Variants in CDKL3 observed in about 807,000 individuals in gnomAD.
CDKL3 encodes cyclin dependent kinase like 3, also known as cyclin-dependent kinase-like 3.
CDKL3 carries 65 observed loss-of-function variants against 69.3 expected under a neutral mutation model. The ratio of observed to expected loss-of-function variants is 0.94; its 90% CI spans 0.77 to 1.15. The LOEUF (loss-of-function observed/expected upper bound fraction) is 1.15, where lower values mean the gene tolerates loss of function less well. CDKL3 is among the 50% of genes most tolerant of loss of function. CDKL3 has a pLI of 0.00. For missense variants in CDKL3, 652 were observed against 689.2 expected (o/e 0.95, Z 0.61); for synonymous variants, 202 against 221.6 (o/e 0.91, Z 0.79).
chr5:134,329,749 G>A (rs1311085217), intron 4 of CDKL3, among the ~76,000 whole-genome samples: 2 of 152,062 alleles, frequency 1.3e-5, no homozygotes, highest in African/African-American at 2.4e-5. Flanking sequence ...GATTACAGGC[G>A]TGAGCCACCA....
At chr5:134,370,985 C>T (rs192567723), upstream of CDKL3, 1 of 163,310 alleles carries the variant, frequency 6.1e-6, no homozygotes, top group African/African-American at 2.4e-5. Context: ...CCTCTTAAAC[C>T]CGCTTCACAG....
At chr5:134,366,209 A>G in intron 2 of CDKL3, 150 bp downstream of exon 2, 2 of 591,608 alleles carry the variant, frequency 3.4e-6, no homozygotes, top group Non-Finnish European at 5.7e-6. Flanking sequence ...TTGTATCACT[A>G]TAAAATTACA....
chr5:134,294,396 G>A (rs1269256061), downstream of CDKL3, among the ~76,000 whole-genome samples: 1 of 152,114 alleles, frequency 6.6e-6, no homozygotes, highest in South Asian at 2.1e-4. Flanking sequence ...CCTATAGCTA[G>A]CATCATACTT....
At chr5:134,287,905 T>TC (rs1224443705) in intron 8 of CDKL3, among the ~76,000 whole-genome samples, 1 of 151,522 alleles carries the variant, frequency 6.6e-6, no homozygotes, top group Non-Finnish European at 1.5e-5. Context: ...CTTTTTTTTT[T>TC]TTTTTTGAAA....
intron 8 of CDKL3, among the ~76,000 whole-genome samples, chr5:134,287,226 T>A (rs1764909935): frequency 6.6e-6 from 1 of 152,200 alleles, no homozygotes; most frequent in African/African-American, 2.4e-5. Flanking sequence ...ATAAGGATTT[T>A]TTAAAAGTCA....
chr5:134,309,822 TAATTC>T (rs984136527), intron 7 of CDKL3, among the ~76,000 whole-genome samples: 5 of 152,174 alleles, frequency 3.3e-5, no homozygotes, highest in African/African-American at 1.2e-4. Context: ...AGCAACCTCT[TAATTC>T]AATAACTGGC....
intron 3 of CDKL3, among the ~76,000 whole-genome samples, chr5:134,359,589 A>G (rs954126937): frequency 7.9e-5 from 12 of 152,058 alleles, no homozygotes; most frequent in African/African-American, 2.4e-4. Context: ...CTGACTTTCA[A>G]TGTTTTAATA....
downstream of CDKL3, among the ~76,000 whole-genome samples, chr5:134,293,893 A>G (rs1211734999): frequency 6.6e-6 from 1 of 152,166 alleles, no homozygotes; most frequent in Non-Finnish European, 1.5e-5. Context: ...GGACAGCTTG[A>G]GGCCAGGAGT....
chr5:134,350,281 G>A lies in CDKL3; in HGVS notation c.507C>T (p.Pro169=), dbSNP rs759222409. 17 of 1,586,892 alleles carry A rather than the reference G, an allele frequency of 1.1e-5. 1 individual carries two copies. Among genetic ancestry groups the A allele is most frequent in the South Asian group, 4.6e-5 (4 of 86,294 alleles). The change falls in exon 4 of 13, where the codon CCC becomes CCT. Residue 169 remains proline, a synonymous_variant. Coordinates refer to ENST00000265334, the MANE Select transcript of CDKL3 (RefSeq NM_001113575.2). ...DYVATRWYRA[P]ELVLKDTSYG... is the part of the protein sequence containing the mutation. ...AAGAAGTATCTTTTAATACTAATTC[G>A]GGAGCTCTATACCAGCGTGTGGCCA...
At chr5:134,301,200 A>G (rs1259940680) in intron 12 of CDKL3, among the ~76,000 whole-genome samples, 3 of 152,014 alleles carry the variant, frequency 2.0e-5, no homozygotes, top group African/African-American at 7.2e-5. Flanking sequence ...GTTTCACCAC[A>G]TTGGCCAGGC....
In CDKL3 at chr5:134,337,459, G is replaced by A. The variant is rs540086932; in HGVS notation, c.539+12790C>T. On this transcript the variant is annotated intron_variant, in intron 4 of 12. Coordinates refer to ENST00000265334, the MANE Select transcript of CDKL3 (RefSeq NM_001113575.2). ...TTAGTCTTGCTGGGAGCTGTAGACC[G>A]GAGATATTCCTATTGGGCCATCTTG... Among the ~76,000 whole-genome samples, 155 of 152,294 alleles carry A rather than the reference G, an allele frequency of 1.0e-3. 1 individual carries two copies. The highest frequency in any genetic ancestry group is 3.5e-3 in the African/African-American group (145 of 41,564).
chr5:134,339,016 T>C (rs947172923), intron 4 of CDKL3, among the ~76,000 whole-genome samples: 1 of 151,770 alleles, frequency 6.6e-6, no homozygotes, highest in Non-Finnish European at 1.5e-5. Context: ...TAGCCGGGCA[T>C]AGTGGTGGAT....
intron 2 of CDKL3, among the ~76,000 whole-genome samples, chr5:134,363,983 GAGAA>G (rs1010339249): frequency 1.4e-5 from 2 of 142,068 alleles, no homozygotes; most frequent in Non-Finnish European, 3.0e-5. Context: ...AAAAAAGAGA[GAGAA>G]AGAAGGCAAA....
At chr5:134,356,920 ACTGGT>A (rs2149630444) in intron 3 of CDKL3, among the ~76,000 whole-genome samples, 1 of 152,334 alleles carries the variant, frequency 6.6e-6, no homozygotes, top group South Asian at 2.1e-4. Flanking sequence ...GTATCGTATT[ACTGGT>A]ATTTAGTCAG....
chr5:134,311,952 A>T (rs1204551839), intron 7 of CDKL3, among the ~76,000 whole-genome samples: 1 of 151,864 alleles, frequency 6.6e-6, no homozygotes, highest in African/African-American at 2.4e-5. Context: ...GTGCCACCAC[A>T]CCTTGCTAAT....
chr5:134,353,447 C>T (rs1464879311), intron 3 of CDKL3, among the ~76,000 whole-genome samples: 4 of 152,136 alleles, frequency 2.6e-5, no homozygotes, highest in African/African-American at 9.7e-5. Context: ...AAAATTAATA[C>T]ACAAGTCTAT....
chr5:134,337,073 C>CG (rs1777311161), intron 4 of CDKL3, among the ~76,000 whole-genome samples: 1 of 152,212 alleles, frequency 6.6e-6, no homozygotes, highest in South Asian at 2.1e-4. Flanking sequence ...CCCCTCCCCC[C>CG]ACCAAGCTCC....
At chr5:134,331,394 T>C (rs1775764003) in intron 4 of CDKL3, among the ~76,000 whole-genome samples, 1 of 152,160 alleles carries the variant, frequency 6.6e-6, no homozygotes, top group African/African-American at 2.4e-5. Flanking sequence ...CCATGTTGGT[T>C]TGCTGTACCC....
chr5:134,348,551 T>A (rs1398519746), intron 4 of CDKL3, among the ~76,000 whole-genome samples: 1 of 151,668 alleles, frequency 6.6e-6, no homozygotes, highest in Non-Finnish European at 1.5e-5. Flanking sequence ...TGCCTATCCT[T>A]GAGGAACTTA....
Sources: gnomAD v4.1 joint callset for allele counts (sites outside exome capture counted in the v4.1 genomes callset) on GRCh38, gnomAD v4.1.1 for gene constraint, MANE v1.5 for transcripts, NCBI Gene and HGNC (gene_info 2026-07-23, HGNC 2026-07-21) for gene names.